LRRFIP2: variants seen among roughly 807,000 people sequenced by gnomAD.
The protein encoded by LRRFIP2 is LRR binding FLII interacting protein 2, also known as leucine-rich repeat flightless-interacting protein 2.
LRRFIP2 carries 109 observed loss-of-function variants against 125.9 expected under a neutral mutation model. That is an observed-to-expected ratio of 0.87 (90% CI 0.74 to 1.01). The LOEUF (loss-of-function observed/expected upper bound fraction) is 1.01. Among genes scored for constraint, LRRFIP2 ranks in the 50% least tolerant of loss-of-function variants. The pLI, the probability that LRRFIP2 is intolerant of heterozygous loss-of-function variation, is 0.00. For missense variants in LRRFIP2, 850 were observed against 862.3 expected (o/e 0.99, Z 0.18); for synonymous variants, 291 against 293.1 (o/e 0.99, Z 0.07).
At chr3:37,065,736 A>G (rs1162616029) in intron 23 of LRRFIP2, 74 bp downstream of exon 23, 2 of 1,599,532 alleles carry the variant, frequency 1.3e-6, no homozygotes, top group Admixed American at 3.3e-5. Flanking sequence ...TTGTTTTCCA[A>G]GCTGGGATAT....
chr3:37,053,580 G>A lies in LRRFIP2; in HGVS notation c.*271C>T. The A allele has an allele frequency of 2.7e-6, 1 of 364,444 alleles. No individual in the cohort carries two copies. The highest frequency in any genetic ancestry group is 5.1e-6 in the Non-Finnish European group (1 of 196,846). The allele number at this position is 364,444 out of a possible 1,614,324, so 22.6% of individuals were successfully genotyped here. ...GTTACTGAGGCAGCTGGGGAAAAAC[G>A]TTGAGTAAACATGATTCTACAATTA... On this transcript the variant is annotated 3_prime_UTR_variant, in exon 28 of 28. Coordinates refer to ENST00000336686, the MANE Select transcript of LRRFIP2 (RefSeq NM_006309.4).
intron 24 of LRRFIP2, 114 bp downstream of exon 24, chr3:37,063,628 T>C: frequency 1.3e-6 from 1 of 797,076 alleles, no homozygotes; most frequent in South Asian, 1.5e-5. Flanking sequence ...CATATCTCAC[T>C]TGAGTACTGA....
intron 17 of LRRFIP2, 31 bp downstream of exon 17, chr3:37,094,761 T>C: frequency 6.7e-7 from 1 of 1,493,238 alleles, no homozygotes; most frequent in Non-Finnish European, 9.3e-7. Flanking sequence ...AAAAACTGCT[T>C]TTAAAAAGAA....
chr3:37,109,186 C>A (rs903917529), intron 11 of LRRFIP2, among the ~76,000 whole-genome samples: 1 of 152,124 alleles, frequency 6.6e-6, no homozygotes, highest in African/African-American at 2.4e-5. Flanking sequence ...GTATCAGAGG[C>A]CAAGATCATA....
intron 2 of LRRFIP2, among the ~76,000 whole-genome samples, chr3:37,147,318 A>T (rs1415638484): frequency 1.3e-5 from 2 of 152,222 alleles, no homozygotes; most frequent in Non-Finnish European, 2.9e-5. Flanking sequence ...AAAGACCTAG[A>T]ACCAGAAATA....
intron 13 of LRRFIP2, among the ~76,000 whole-genome samples, chr3:37,107,431 T>C (rs2094383321): frequency 6.6e-6 from 1 of 152,208 alleles, no homozygotes; most frequent in African/African-American, 2.4e-5. Context: ...GTATGTAATA[T>C]GACCCATTTG....
At chr3:37,156,096 A>C (rs1355170141) in intron 1 of LRRFIP2, among the ~76,000 whole-genome samples, 2 of 152,094 alleles carry the variant, frequency 1.3e-5, no homozygotes, top group Non-Finnish European at 2.9e-5. Context: ...GCTCATCTTG[A>C]ACCCCTGGGC....
intron 2 of LRRFIP2, among the ~76,000 whole-genome samples, chr3:37,134,302 A>G (rs967549090): frequency 6.6e-6 from 1 of 152,208 alleles, no homozygotes; most frequent in African/African-American, 2.4e-5. Flanking sequence ...TGTATCACTC[A>G]ATGAATAATT....
intron 21 of LRRFIP2, among the ~76,000 whole-genome samples, chr3:37,072,418 C>G: frequency 6.8e-6 from 1 of 147,132 alleles, no homozygotes; most frequent in Non-Finnish European, 1.5e-5. Flanking sequence ...AGGAGAATCA[C>G]TTGAACCCAG....
chr3:37,133,333 C>T (rs914853387), intron 2 of LRRFIP2, among the ~76,000 whole-genome samples: 4 of 152,136 alleles, frequency 2.6e-5, no homozygotes, highest in Admixed American at 2.6e-4. Flanking sequence ...AAAGCAGAGA[C>T]AACATATATT....
chr3:37,133,489 T>C (rs549377671), intron 2 of LRRFIP2, among the ~76,000 whole-genome samples: 2 of 152,294 alleles, frequency 1.3e-5, no homozygotes, highest in African/African-American at 4.8e-5. Flanking sequence ...TTTTGATACA[T>C]GCTGCAACAT....
intron 25 of LRRFIP2, 138 bp from the exon 26 acceptor site, chr3:37,055,303 GCCTGTAATC>G: frequency 1.9e-6 from 1 of 522,330 alleles, no homozygotes; most frequent in East Asian, 3.4e-5. Flanking sequence ...GGTGACTCAC[GCCTGTAATC>G]CCAGCATTTT....
chr3:37,148,782 T>C (rs997537008), intron 2 of LRRFIP2, 112 bp downstream of exon 2: 2 of 1,130,546 alleles, frequency 1.8e-6, no homozygotes, highest in South Asian at 3.1e-5. Context: ...ATCTTGCTCA[T>C]AATAAACATC....
chr3:37,071,019 A>G (rs1362338482), intron 21 of LRRFIP2, among the ~76,000 whole-genome samples: 1 of 152,204 alleles, frequency 6.6e-6, no homozygotes, highest in Non-Finnish European at 1.5e-5. Context: ...CAAAAATTTA[A>G]ATCAAATCAA....
At position 37,052,939 on chromosome 3, in the gene LRRFIP2, A is replaced by C. The variant is rs1456430111; in HGVS notation, c.*912T>G. ...TTCCTTGAGAAGGAGACAAAAGAAG[A>C]GGGATGTGGTTGCCATGATTTGTTT... On this transcript the variant is annotated 3_prime_UTR_variant, in exon 28 of 28. Coordinates refer to ENST00000336686, the MANE Select transcript of LRRFIP2 (RefSeq NM_006309.4). 1.3e-5 allele frequency: 2 copies of C among 152,280 alleles called. No homozygotes were observed. Among genetic ancestry groups the C allele is most frequent in the African/African-American group, 4.8e-5 (2 of 41,432 alleles). The allele number at this position is 152,280 out of a possible 1,614,324, so 9.4% of individuals were successfully genotyped here.
In LRRFIP2 at chr3:37,075,033, C is replaced by T; in HGVS notation, c.1362G>A (p.Glu454=). The stretch of plus-strand genomic sequence containing the variant: ...CAGTTCATGTACATACCTCAATAAG[C>T]TCATCTCTTTGCCGCAGGCCTTCTT... ...ELKEGLRQRD[E]LIEEKQRMQQ... The change falls in exon 20 of 28, where the codon GAG becomes GAA. Residue 454 remains glutamate, a synonymous_variant. Transcript: ENST00000336686. 6.2e-7 allele frequency: 1 copy of T among 1,610,994 alleles called. No homozygotes were observed. Among genetic ancestry groups the T allele is most frequent in the African/African-American group, 1.3e-5 (1 of 74,948 alleles).
chr3:37,098,222 T>C (rs2093822497), intron 15 of LRRFIP2, among the ~76,000 whole-genome samples: 1 of 152,138 alleles, frequency 6.6e-6, no homozygotes, highest in African/African-American at 2.4e-5. Flanking sequence ...TTAGTTCATT[T>C]TAATTTTTAA....
intron 21 of LRRFIP2, 124 bp downstream of exon 21, chr3:37,072,666 C>T (rs575316528): frequency 6.7e-5 from 36 of 533,910 alleles, no homozygotes; most frequent in Admixed American, 5.4e-4. Context: ...CCTACTGACT[C>T]ATTTTTCATA....
Position 37,079,616 on chromosome 3 carries a change from C to G in LRRFIP2, c.1278+4020G>C, listed in dbSNP as rs6806494. Among the ~76,000 whole-genome samples, 543 of 152,170 alleles carry G rather than the reference C, an allele frequency of 3.6e-3. 3 individuals carry two copies. The highest frequency in any genetic ancestry group is 0.013 in the African/African-American group (530 of 41,524). On this transcript the variant is annotated intron_variant, in intron 19 of 27. Coordinates refer to ENST00000336686, the MANE Select transcript of LRRFIP2 (RefSeq NM_006309.4). ...AGAAAACTTACGTCCAAAAAACAAC[C>G]TGTATACAAATGTTTATGGAAGCAT... is the stretch of plus-strand genomic sequence containing the variant.
Sources: gnomAD v4.1 joint callset for allele counts (sites outside exome capture counted in the v4.1 genomes callset) on GRCh38, gnomAD v4.1.1 for gene constraint, MANE v1.5 for transcripts, NCBI Gene and HGNC (gene_info 2026-07-23, HGNC 2026-07-21) for gene names.